The following PARD3B variants were observed in gnomAD, a reference collection of about 807,000 sequenced individuals.
PARD3B encodes partitioning defective 3 homolog B.
Under a neutral mutation model 130.2 loss-of-function variants are expected in PARD3B, and 103 were observed. The observed-to-expected ratio is 0.79, with a 90% CI of 0.67 to 0.93. PARD3B has a LOEUF of 0.93. Among genes scored for constraint, PARD3B ranks in the 40% least tolerant of loss-of-function variants. PARD3B has a pLI of 0.00. For missense variants in PARD3B, 1,609 were observed against 1,499.2 expected (o/e 1.07, Z -1.21); for synonymous variants, 583 against 553.2 (o/e 1.05, Z -0.76).
At chr2:205,450,463 ATTCT>A (rs1374205067) in intron 20 of PARD3B, among the ~76,000 whole-genome samples, 11 of 124,084 alleles carry the variant, frequency 8.9e-5, no homozygotes, top group Non-Finnish European at 1.6e-4. Context: ...TTAAGTGCAG[ATTCT>A]TTTTTTTTTT....
In PARD3B at chr2:204,623,455, C is replaced by A. The variant is rs1194525021; in HGVS notation, c.121-62726C>A. ...CCCACACCCAGCACCCTCCACCATCCCTTTTTCCTTGCAATCAACAATCTT... is the reference window on the plus strand; with the variant it reads ...CCCACACCCAGCACCCTCCACCATCACTTTTTCCTTGCAATCAACAATCTT... On this transcript the variant is annotated intron_variant, in intron 1 of 22. Coordinates refer to ENST00000406610, the MANE Select transcript of PARD3B (RefSeq NM_001302769.2). The surrounding 1 kb of genome is among the most constrained non-coding windows in gnomAD (Gnocchi z 4.5). 6.6e-6 allele frequency among the ~76,000 whole-genome samples: 1 copy of A among 152,104 alleles called. No individual in the cohort carries two copies. Among genetic ancestry groups the A allele is most frequent in the Non-Finnish European group, 1.5e-5 (1 of 68,010 alleles).
chr2:205,053,585 A>G (rs1383543073), intron 4 of PARD3B, among the ~76,000 whole-genome samples: 2 of 151,770 alleles, frequency 1.3e-5, no homozygotes, highest in Non-Finnish European at 2.9e-5. Context: ...GGTTCCAGTG[A>G]GCCAAGATCG....
intron 2 of PARD3B, among the ~76,000 whole-genome samples, chr2:204,810,793 G>C (rs201301268): frequency 2.0e-5 from 3 of 152,060 alleles, no homozygotes; most frequent in Admixed American, 1.3e-4. Flanking sequence ...GTCTCTGTCA[G>C]GTTTTGATAT....
intron 10 of PARD3B, among the ~76,000 whole-genome samples, chr2:205,153,306 C>T (rs1484222328): frequency 6.6e-6 from 1 of 152,164 alleles, no homozygotes; most frequent in Non-Finnish European, 1.5e-5. Flanking sequence ...CCACTGCTCT[C>T]TTCATAGCTC....
At chr2:205,172,153 C>T (rs1270934974) in intron 11 of PARD3B, 58 bp from the exon 12 acceptor site, 4 of 1,505,758 alleles carry the variant, frequency 2.7e-6, no homozygotes, top group East Asian at 2.3e-5. Context: ...CCCAAAACGC[C>T]ACATGTCATC....
chr2:205,561,450 G>A (rs2053133356), intron 22 of PARD3B, among the ~76,000 whole-genome samples: 1 of 152,126 alleles, frequency 6.6e-6, no homozygotes, highest in African/African-American at 2.4e-5. Context: ...TTGACTGTCT[G>A]GGTCTGTAAA....
chr2:205,557,627 T>A (rs781588027), intron 22 of PARD3B, among the ~76,000 whole-genome samples: 1 of 152,136 alleles, frequency 6.6e-6, no homozygotes, highest in Non-Finnish European at 1.5e-5. Context: ...ATCTGCAAAT[T>A]GGGGATGATA....
At chr2:205,380,577 A>ATATAAAAAG (rs2045330429) in intron 18 of PARD3B, among the ~76,000 whole-genome samples, 1 of 3,674 alleles carries the variant, frequency 2.7e-4, no homozygotes, top group African/African-American at 5.5e-4. Context: ...TATATAAAGA[A>ATATAAAAAG]TATATATTAT....
At position 204,574,163 on chromosome 2, in the gene PARD3B, C is replaced by A. The variant is rs377659576; in HGVS notation, c.120+28044C>A. Among the ~76,000 whole-genome samples, 140 of 152,242 alleles carry A rather than the reference C, an allele frequency of 9.2e-4. 2 individuals are homozygous for A. In the South Asian group the frequency reaches 0.028, roughly 30 times the overall value. Reference sequence around the variant, plus strand: ...ATTGTGTACAGCTGCCAAGTTGGAGCTGTTTAAGAACCATGATATCAGAAA... The same window carrying A: ...ATTGTGTACAGCTGCCAAGTTGGAGATGTTTAAGAACCATGATATCAGAAA... On this transcript the variant is annotated intron_variant, in intron 1 of 22. Transcript: ENST00000406610.
chr2:204,780,798 G>A (rs1213563208), intron 2 of PARD3B, among the ~76,000 whole-genome samples: 1 of 151,990 alleles, frequency 6.6e-6, no homozygotes, highest in Non-Finnish European at 1.5e-5. Flanking sequence ...TCTTGAAGCC[G>A]TAGCTCTTTA....
At chr2:204,849,581 C>T (rs2044622692) in intron 2 of PARD3B, among the ~76,000 whole-genome samples, 1 of 152,146 alleles carries the variant, frequency 6.6e-6, no homozygotes, top group African/African-American at 2.4e-5. Flanking sequence ...GTTATCATCC[C>T]AAAACGCTAA....
intron 2 of PARD3B, among the ~76,000 whole-genome samples, chr2:204,753,931 AGT>A (rs2040564825): frequency 6.6e-6 from 1 of 152,108 alleles, no homozygotes; most frequent in South Asian, 2.1e-4. Context: ...TAATTGGTGC[AGT>A]GTTATTAAGC....
At chr2:205,400,026 T>C (rs2106009566) in intron 18 of PARD3B, among the ~76,000 whole-genome samples, 1 of 152,222 alleles carries the variant, frequency 6.6e-6, no homozygotes, top group Non-Finnish European at 1.5e-5. Flanking sequence ...AATGAGAGCA[T>C]TGAACGAGGT....
At chr2:205,422,148 A>G (rs1035119310) in intron 19 of PARD3B, among the ~76,000 whole-genome samples, 1 of 152,224 alleles carries the variant, frequency 6.6e-6, no homozygotes, top group Non-Finnish European at 1.5e-5. Flanking sequence ...CTAAGATGCC[A>G]AGATTCAATC....
At chr2:205,516,956 TGA>T (rs1473095568) in intron 21 of PARD3B, among the ~76,000 whole-genome samples, 1 of 152,180 alleles carries the variant, frequency 6.6e-6, no homozygotes, top group African/African-American at 2.4e-5. Flanking sequence ...CCTAGTTTAT[TGA>T]GAGTTTTTAA....
At chr2:205,544,484 T>G (rs984199221) in intron 21 of PARD3B, among the ~76,000 whole-genome samples, 14 of 152,082 alleles carry the variant, frequency 9.2e-5, no homozygotes, top group Non-Finnish European at 2.1e-4. Flanking sequence ...GTGCATCTGA[T>G]AGATGAAGCC....
At chr2:204,707,173 C>A (rs2038207290) in intron 2 of PARD3B, among the ~76,000 whole-genome samples, 1 of 152,194 alleles carries the variant, frequency 6.6e-6, no homozygotes, top group Non-Finnish European at 1.5e-5. Context: ...CTCTCCTACA[C>A]ATGCATATGT....
intron 20 of PARD3B, among the ~76,000 whole-genome samples, chr2:205,464,530 T>C (rs765515971): frequency 2.6e-5 from 4 of 152,140 alleles, no homozygotes; most frequent in African/African-American, 9.7e-5. Context: ...TTAGGAATCT[T>C]TGGGTGCAGG....
intron 2 of PARD3B, among the ~76,000 whole-genome samples, chr2:204,912,916 G>A (rs1250333750): frequency 2.0e-5 from 3 of 152,116 alleles, no homozygotes; most frequent in African/African-American, 7.2e-5. Flanking sequence ...ACAAATAGAT[G>A]TTTGGAAGCA....
Sources: gnomAD v4.1 joint callset for allele counts (sites outside exome capture counted in the v4.1 genomes callset) on GRCh38, gnomAD v4.1.1 for gene constraint, Gnocchi (gnomAD v3.1) non-coding constraint, MANE v1.5 for transcripts, NCBI Gene and HGNC (gene_info 2026-07-23, HGNC 2026-07-21) for gene names.